FCHO2: variants seen among roughly 807,000 people sequenced by gnomAD.
FCHO2 encodes F-BAR domain only protein 2.
FCHO2 carries 43 observed loss-of-function variants against 114.1 expected under a neutral mutation model. The observed-to-expected ratio is 0.38, with a 90% CI of 0.30 to 0.49. FCHO2 has a LOEUF of 0.49. Among genes scored for constraint, FCHO2 ranks in the 20% least tolerant of loss-of-function variants. FCHO2 has a pLI of 0.97. For missense variants in FCHO2, 807 were observed against 950.4 expected (o/e 0.85, Z 1.98); for synonymous variants, 293 against 315.2 (o/e 0.93, Z 0.75).
intron 1 of FCHO2, among the ~76,000 whole-genome samples, chr5:72,963,455 G>A (rs1751986229): frequency 6.6e-6 from 1 of 152,094 alleles, no homozygotes; most frequent in African/African-American, 2.4e-5. Context: ...ATATGGTTGT[G>A]TGTCTTGGTA....
At chr5:73,071,726 A>G (rs889666219) in intron 19 of FCHO2, among the ~76,000 whole-genome samples, 1 of 152,064 alleles carries the variant, frequency 6.6e-6, no homozygotes, top group Admixed American at 6.6e-5. Flanking sequence ...TCCATGTGCA[A>G]TACGATCTTG....
chr5:72,996,890 G>A lies in FCHO2; in HGVS notation c.495+6026G>A, dbSNP rs1190501650. 8.6e-6 allele frequency: 13 copies of A among 1,505,564 alleles called. No individual in the cohort carries two copies. The East Asian group carries it at 2.9e-4, about 34-fold the overall frequency. The allele number at this position is 1,505,564 out of a possible 1,614,324, so 93.3% of individuals were successfully genotyped here. On this transcript the variant is annotated intron_variant, in intron 5 of 25. Transcript: ENST00000430046. ...GGGGGCCCCCGGGGCCGGCGGGGCC[G>A]GCAGAGCAGGCAGTGCCAGGGTCAT...
chr5:73,037,720 A>G lies in FCHO2; in HGVS notation c.914+505A>G, dbSNP rs535954434. The G allele has an allele frequency of 1.5e-3, 564 of 382,768 alleles. 11 individuals carry two copies. Among genetic ancestry groups the G allele is most frequent in the South Asian group, 0.011 (550 of 51,840 alleles). The allele number at this position is 382,768 out of a possible 1,614,324, so 23.7% of individuals were successfully genotyped here. A position where few individuals can be genotyped will look rare whatever the true frequency, so the allele number is the denominator to read the frequency against. ...CCATTTATACTAGGTCATCATTTTT[A>G]GATGGAATATTTGGTCCACTTATAA... On this transcript the variant is annotated intron_variant, in intron 10 of 25. Coordinates refer to ENST00000430046, the MANE Select transcript of FCHO2 (RefSeq NM_138782.3).
chr5:73,027,011 T>C (rs1346410302), intron 8 of FCHO2, among the ~76,000 whole-genome samples: 1 of 131,006 alleles, frequency 7.6e-6, no homozygotes, highest in Non-Finnish European at 1.7e-5. Context: ...TTTTTTTTTG[T>C]TTGTTTGTTT....
At chr5:73,050,493 A>G (rs995594934) in intron 11 of FCHO2, among the ~76,000 whole-genome samples, 16 of 151,668 alleles carry the variant, frequency 1.1e-4, no homozygotes, top group South Asian at 4.2e-4. Flanking sequence ...TAATTTTTGT[A>G]TTTTTAGTAG....
At chr5:73,066,163 C>G (rs755317476) in intron 18 of FCHO2, among the ~76,000 whole-genome samples, 13 of 151,890 alleles carry the variant, frequency 8.6e-5, no homozygotes, top group Non-Finnish European at 1.9e-4. Flanking sequence ...TAAAGTGGGA[C>G]TCATAGTTGA....
At chr5:73,041,005 T>G (rs1244769918) in intron 10 of FCHO2, among the ~76,000 whole-genome samples, 1 of 152,116 alleles carries the variant, frequency 6.6e-6, no homozygotes, top group African/African-American at 2.4e-5. Flanking sequence ...CAAAATAGGT[T>G]TTTGAATATT....
rs1057203622 is a variant in FCHO2 at position 73,022,455 on chromosome 5, CT to C, written c.796+5152del. The stretch of plus-strand genomic sequence containing the variant: ...TTGGCTTCCTGGGCTCTTTTTACTG[CT>C]TTTTGCTTTTATATGCCAGTGTCAT... On this transcript the variant is annotated intron_variant, in intron 8 of 25. Transcript: ENST00000430046. 7.9e-5 allele frequency among the ~76,000 whole-genome samples: 12 copies of C among 152,162 alleles called. No individual in the cohort carries two copies. In the East Asian group the frequency reaches 1.4e-3, roughly 17 times the overall value.
chr5:73,036,474 A>G (rs1174510744), intron 9 of FCHO2, among the ~76,000 whole-genome samples: 2 of 151,906 alleles, frequency 1.3e-5, no homozygotes, highest in Non-Finnish European at 2.9e-5. Context: ...CCTGGACTCA[A>G]GCAATCCTCT....
intron 6 of FCHO2, among the ~76,000 whole-genome samples, chr5:73,007,580 A>G (rs1034673230): frequency 6.6e-6 from 1 of 152,214 alleles, no homozygotes; most frequent in Non-Finnish European, 1.5e-5. Context: ...TCCCATTTGA[A>G]GTAGTGAACA....
At chr5:73,076,827 G>A (rs2112889240) in intron 20 of FCHO2, among the ~76,000 whole-genome samples, 1 of 152,220 alleles carries the variant, frequency 6.6e-6, no homozygotes, top group South Asian at 2.1e-4. Context: ...AAATAGACTT[G>A]GGAAATGTGA....
At chr5:73,074,923 T>C in intron 20 of FCHO2, 70 bp downstream of exon 20, 1 of 1,224,678 alleles carries the variant, frequency 8.2e-7, no homozygotes, top group Non-Finnish European at 1.1e-6. Context: ...TGGGGCTTGG[T>C]GGTAAATTTT....
chr5:73,026,610 A>AT (rs1186494575), intron 8 of FCHO2, among the ~76,000 whole-genome samples: 27 of 152,196 alleles, frequency 1.8e-4, no homozygotes, highest in Admixed American at 5.9e-4. Context: ...AACTGAGAGC[A>AT]TTACAAATTT....
intron 24 of FCHO2, among the ~76,000 whole-genome samples, chr5:73,087,062 T>C (rs1743336005): frequency 6.6e-6 from 1 of 152,150 alleles, no homozygotes; most frequent in Non-Finnish European, 1.5e-5. Flanking sequence ...TGAAGTATAC[T>C]GAATAAATGG....
At chr5:72,969,533 G>T (rs894888848) in intron 2 of FCHO2, among the ~76,000 whole-genome samples, 1 of 152,052 alleles carries the variant, frequency 6.6e-6, no homozygotes, top group African/African-American at 2.4e-5. Flanking sequence ...AGGAAAGGCC[G>T]CAGAACTCTG....
At chr5:73,080,138 G>A (rs1743043512) in intron 22 of FCHO2, among the ~76,000 whole-genome samples, 1 of 152,200 alleles carries the variant, frequency 6.6e-6, no homozygotes, top group African/African-American at 2.4e-5. Context: ...AAGAGCCCTT[G>A]TAAATTTGTA....
intron 10 of FCHO2, among the ~76,000 whole-genome samples, chr5:73,040,260 T>A (rs1303085991): frequency 5.3e-5 from 8 of 152,194 alleles, no homozygotes; most frequent in African/African-American, 1.7e-4. Context: ...GCAGAATACA[T>A]CCAGTTGAGT....
At chr5:73,044,346 C>T (rs898678253) in intron 11 of FCHO2, among the ~76,000 whole-genome samples, 9 of 152,228 alleles carry the variant, frequency 5.9e-5, no homozygotes, top group Non-Finnish European at 1.2e-4. Context: ...TCAGCCATTC[C>T]TCCCATTCCA....
In FCHO2 at chr5:73,068,563, A is replaced by G. The variant is rs540070794; in HGVS notation, c.1450-87A>G. On this transcript the variant is annotated intron_variant, in intron 18 of 25. Coordinates refer to ENST00000430046, the MANE Select transcript of FCHO2 (RefSeq NM_138782.3). ...ACTCACACAGTAAATTTGGTTTGGT[A>G]TGTTAAATTTACCTCATACTTAAAA... The G allele has an allele frequency of 2.4e-5, 34 of 1,445,976 alleles. No individual in the cohort carries two copies. The South Asian group carries it at 4.4e-4, about 19-fold the overall frequency. The allele number at this position is 1,445,976 out of a possible 1,614,324, so 89.6% of individuals were successfully genotyped here.
Sources: gnomAD v4.1 joint callset for allele counts (sites outside exome capture counted in the v4.1 genomes callset) on GRCh38, gnomAD v4.1.1 for gene constraint, MANE v1.5 for transcripts, NCBI Gene and HGNC (gene_info 2026-07-23, HGNC 2026-07-21) for gene names.